The following ATP10B variants were observed in gnomAD, a reference collection of about 807,000 sequenced individuals.
The protein encoded by ATP10B is ATPase phospholipid transporting 10B (putative).
ATP10B carries 122 observed loss-of-function variants against 141.2 expected under a neutral mutation model. The observed-to-expected ratio is 0.86, with a 90% confidence interval of 0.75 to 1.00. The LOEUF (loss-of-function observed/expected upper bound fraction) is 1.00, where lower values mean the gene tolerates loss of function less well. Ranked by LOEUF, ATP10B falls within the 50% of genes least tolerant of loss-of-function variation. The probability of loss-of-function intolerance (pLI) is 0.00; values close to 1 mark genes in which losing one functional copy is unlikely to be tolerated. For synonymous variants in ATP10B, 685 were observed against 692.0 expected (o/e 0.99, Z 0.16); for missense variants, 1,876 against 1,825.3 (o/e 1.03, Z -0.51).
At position 160,600,542 on chromosome 5, in the gene ATP10B, T is replaced by A. The variant is rs150998275; in HGVS notation, c.3364-1572A>T. ...CCATTGCTCAGCCCTGTTCCCGACATACAGCAGACATTCAATTGTTATTTG... is the reference window on the plus strand; with the variant it reads ...CCATTGCTCAGCCCTGTTCCCGACAAACAGCAGACATTCAATTGTTATTTG... On this transcript the variant is annotated intron_variant, in intron 21 of 25. Transcript: ENST00000327245. Among the ~76,000 whole-genome samples, 163 of 152,338 alleles carry A rather than the reference T, an allele frequency of 1.1e-3. 1 individual carries two copies. Among genetic ancestry groups the A allele is most frequent in the Non-Finnish European group, 2.0e-3 (138 of 68,034 alleles).
At chr5:160,650,116 T>A (rs1033008082) in intron 7 of ATP10B, among the ~76,000 whole-genome samples, 61 of 142,506 alleles carry the variant, frequency 4.3e-4, no homozygotes, top group Admixed American at 1.6e-3. Context: ...AAAAAAAAAA[T>A]TTTATATATA....
At chr5:160,811,698 T>A (rs1011976292) in intron 1 of ATP10B, among the ~76,000 whole-genome samples, 1 of 152,092 alleles carries the variant, frequency 6.6e-6, no homozygotes, top group East Asian at 1.9e-4. Flanking sequence ...CCAGGTAGAT[T>A]TCTAAGGTTT....
At chr5:160,746,592 G>T (rs1475122366) in intron 2 of ATP10B, among the ~76,000 whole-genome samples, 1 of 151,890 alleles carries the variant, frequency 6.6e-6, no homozygotes, top group African/African-American at 2.4e-5. Context: ...GGATTTCACC[G>T]TGTTGGCCAG....
chr5:160,577,401 A>G (rs930982838), intron 24 of ATP10B, among the ~76,000 whole-genome samples: 2 of 152,096 alleles, frequency 1.3e-5, no homozygotes, highest in East Asian at 1.9e-4. Context: ...TCTTATTGAT[A>G]ATAATAATTA....
intron 7 of ATP10B, among the ~76,000 whole-genome samples, chr5:160,653,232 T>C (rs1288952453): frequency 7.6e-6 from 1 of 130,988 alleles, no homozygotes; most frequent in South Asian, 2.2e-4. Flanking sequence ...CATACAAATA[T>C]GTAGTATATA....
In ATP10B at chr5:160,605,261, T is replaced by G. The variant is rs115987130; in HGVS notation, c.3161-1220A>C. Among the ~76,000 whole-genome samples, 1,382 of 152,310 alleles carry G rather than the reference T, an allele frequency of 9.1e-3. 16 individuals are homozygous for G. The highest frequency in any genetic ancestry group is 0.031 in the African/African-American group (1,307 of 41,560). The stretch of plus-strand genomic sequence containing the variant: ...AAAATGGGAGGGAGAGAATGATTCT[T>G]CTAGTTATCTGATGACACATTTATT... On this transcript the variant is annotated intron_variant, in intron 19 of 25. Coordinates refer to ENST00000327245, the MANE Select transcript of ATP10B (RefSeq NM_025153.3).
intron 1 of ATP10B, among the ~76,000 whole-genome samples, chr5:160,810,511 G>T (rs1307093026): frequency 6.6e-6 from 1 of 152,016 alleles, no homozygotes; most frequent in Non-Finnish European, 1.5e-5. Context: ...GTAAATTTTG[G>T]TGTGTGCTTA....
intron 6 of ATP10B, chr5:160,684,802 G>A: frequency 1.5e-6 from 1 of 655,564 alleles, no homozygotes; most frequent in Non-Finnish European, 2.8e-6. Flanking sequence ...GATCAGGCTG[G>A]GCCCAAGACT....
chr5:160,913,157 C>T, the ATP10B span, among the ~76,000 whole-genome samples: 2 of 152,214 alleles, frequency 1.3e-5, no homozygotes, highest in Non-Finnish European at 2.9e-5. Flanking sequence ...CTTTCCTCTT[C>T]TTTTATGGAA....
chr5:160,659,185 G>T (rs555579790), intron 7 of ATP10B, among the ~76,000 whole-genome samples: 53 of 152,232 alleles, frequency 3.5e-4, no homozygotes, highest in African/African-American at 1.3e-3. Context: ...CACCTTTCAG[G>T]CCGGGCGCAG....
At position 160,828,813 on chromosome 5, in the gene ATP10B, C is replaced by T. The variant is rs373099227; in HGVS notation, c.-576+23128G>A. ...CAAAGACTTGGAACCAACCCAAATG[C>T]CCAACAATGATAGACTGGATTAAGA... On this transcript the variant is annotated intron_variant, in intron 1 of 25. Transcript: ENST00000327245. Among the ~76,000 whole-genome samples, 34 of 150,926 alleles carry T rather than the reference C, an allele frequency of 2.3e-4. No individual in the cohort carries two copies. In the East Asian group the frequency reaches 4.3e-3, roughly 19 times the overall value.
intron 24 of ATP10B, among the ~76,000 whole-genome samples, chr5:160,588,787 C>G (rs188608888): frequency 2.3e-3 from 357 of 152,264 alleles, no homozygotes; most frequent in Non-Finnish European, 4.2e-3. Context: ...GAATTGTAAG[C>G]TATTAGTTTT....
At chr5:160,814,951 C>T (rs961944785) in intron 1 of ATP10B, among the ~76,000 whole-genome samples, 54 of 152,036 alleles carry the variant, frequency 3.6e-4, no homozygotes, top group Non-Finnish European at 7.1e-4. Context: ...ATTTTGTCAC[C>T]GCCAGGCCTG....
intron 2 of ATP10B, among the ~76,000 whole-genome samples, chr5:160,728,308 G>T (rs537163480): frequency 2.0e-5 from 3 of 152,242 alleles, no homozygotes; most frequent in African/African-American, 7.2e-5. Flanking sequence ...TGTGTGGCTT[G>T]AGTTTTTCCC....
intron 24 of ATP10B, among the ~76,000 whole-genome samples, chr5:160,575,248 A>G (rs899721297): frequency 6.6e-6 from 1 of 152,192 alleles, no homozygotes; most frequent in African/African-American, 2.4e-5. Flanking sequence ...AATTGATCCA[A>G]TAATGTCCTA....
chr5:160,919,793 G>T, the ATP10B span, among the ~76,000 whole-genome samples: 1 of 152,256 alleles, frequency 6.6e-6, no homozygotes, highest in African/African-American at 2.4e-5. Flanking sequence ...GCCATCTCGG[G>T]TCGCTAACGA....
chr5:160,728,363 T>A (rs995013119), intron 2 of ATP10B, among the ~76,000 whole-genome samples: 20 of 152,188 alleles, frequency 1.3e-4, no homozygotes, highest in African/African-American at 4.6e-4. Context: ...TTGATTGAGA[T>A]CTTTGCTTTA....
At chr5:160,806,606 T>C (rs1200874883) in intron 1 of ATP10B, among the ~76,000 whole-genome samples, 1 of 152,220 alleles carries the variant, frequency 6.6e-6, no homozygotes, top group Non-Finnish European at 1.5e-5. Flanking sequence ...GGGATAATGA[T>C]GATAGGAACA....
At chr5:160,849,017 G>C (rs1040585514) in intron 1 of ATP10B, among the ~76,000 whole-genome samples, 1 of 152,164 alleles carries the variant, frequency 6.6e-6, no homozygotes, top group African/African-American at 2.4e-5. Context: ...GAGTGATCCC[G>C]AGTTTCTGAC....
Sources: allele counts gnomAD v4.1 joint callset (sites outside exome capture counted in the v4.1 genomes callset), GRCh38; gene constraint gnomAD v4.1.1; transcripts MANE v1.5; gene names NCBI Gene and HGNC (gene_info 2026-07-23, HGNC 2026-07-21).